The following TSPAN12 variants were observed in gnomAD, a reference collection of about 807,000 sequenced individuals.
TSPAN12 encodes tetraspanin-12.
Under a neutral mutation model 39.2 loss-of-function variants are expected in TSPAN12, and 19 were observed. The observed-to-expected ratio is 0.49, with a 90% confidence interval of 0.34 to 0.71. The LOEUF is 0.71. Ranked by LOEUF, TSPAN12 falls within the 30% of genes least tolerant of loss-of-function variation. The probability of loss-of-function intolerance (pLI) is 0.01; values close to 1 mark genes in which losing one functional copy is unlikely to be tolerated. For synonymous variants in TSPAN12, 119 were observed against 124.8 expected (o/e 0.95, Z 0.31); for missense variants, 314 against 359.9 (o/e 0.87, Z 1.03).
chr7:120,829,384 C>T (rs1393592701), intron 4 of TSPAN12, among the ~76,000 whole-genome samples: 1 of 151,564 alleles, frequency 6.6e-6, no homozygotes, highest in Non-Finnish European at 1.5e-5. Flanking sequence ...AAATACTAAC[C>T]ATGATTTTTT....
chr7:120,793,762 T>TA (rs1316723364), intron 7 of TSPAN12, among the ~76,000 whole-genome samples: 4 of 152,242 alleles, frequency 2.6e-5, no homozygotes, highest in Non-Finnish European at 4.4e-5. Flanking sequence ...TATATTAACT[T>TA]ATGCCCTTGC....
intron 5 of TSPAN12, among the ~76,000 whole-genome samples, chr7:120,813,373 T>C (rs543017006): frequency 4.6e-5 from 7 of 152,234 alleles, no homozygotes; most frequent in Non-Finnish European, 5.9e-5. Flanking sequence ...GGAATGGCAG[T>C]GGGCACCTAT....
At position 120,807,833 on chromosome 7, in the gene TSPAN12, TGGGTAATACTGAAA is replaced by T. The variant is rs1793904523; in HGVS notation, c.469-1155_469-1142del. On this transcript the variant is annotated intron_variant, in intron 6 of 7. Transcript: ENST00000222747. ...ATAAATGACGAATTACTGAAAGCTATGGGTAATACTGAAATTTTGAGAAACTTAAAAAATACTTT... is the reference window on the plus strand; with the variant it reads ...ATAAATGACGAATTACTGAAAGCTATTTTTGAGAAACTTAAAAAATACTTT... 3.3e-5 allele frequency among the ~76,000 whole-genome samples: 5 copies of T among 152,240 alleles called. No homozygotes were observed. In the South Asian group the frequency reaches 1.0e-3, roughly 32 times the overall value.
intron 7 of TSPAN12, among the ~76,000 whole-genome samples, chr7:120,803,247 G>A (rs1033578228): frequency 4.6e-5 from 7 of 152,100 alleles, no homozygotes; most frequent in Admixed American, 4.6e-4. Flanking sequence ...CTGGCCCTTG[G>A]AGCAACAACG....
intron 4 of TSPAN12, among the ~76,000 whole-genome samples, chr7:120,820,091 T>C (rs1794160358): frequency 6.6e-6 from 1 of 152,170 alleles, no homozygotes. Flanking sequence ...TGTTTCTTGC[T>C]TTCCCAATGC....
At chr7:120,825,309 G>A (rs1356117704) in intron 4 of TSPAN12, among the ~76,000 whole-genome samples, 3 of 152,048 alleles carry the variant, frequency 2.0e-5, no homozygotes, top group African/African-American at 7.2e-5. Context: ...AAACTCAGAC[G>A]GTTTTTTCAT....
At chr7:120,816,919 G>A (rs1024500934) in intron 4 of TSPAN12, among the ~76,000 whole-genome samples, 2 of 152,004 alleles carry the variant, frequency 1.3e-5, no homozygotes, top group African/African-American at 4.8e-5. Context: ...AAAAGGCACA[G>A]GAAAAGAAAA....
At chr7:120,853,976 C>G (rs373323539) in intron 2 of TSPAN12, among the ~76,000 whole-genome samples, 1 of 151,310 alleles carries the variant, frequency 6.6e-6, no homozygotes, top group African/African-American at 2.4e-5. Flanking sequence ...GAAATTAACA[C>G]TTAAAATATA....
chr7:120,799,138 T>C (rs1424722722), intron 7 of TSPAN12, among the ~76,000 whole-genome samples: 2 of 152,266 alleles, frequency 1.3e-5, no homozygotes, highest in South Asian at 2.1e-4. Flanking sequence ...TCTCACTCCC[T>C]GCCTTAGCCT....
intron 2 of TSPAN12, among the ~76,000 whole-genome samples, chr7:120,854,400 G>A (rs1794831035): frequency 6.6e-6 from 1 of 152,168 alleles, no homozygotes; most frequent in South Asian, 2.1e-4. Context: ...AGTAGTTATA[G>A]TAATAACTGC....
chr7:120,841,761 T>A (rs1794583237), intron 2 of TSPAN12, among the ~76,000 whole-genome samples: 1 of 152,230 alleles, frequency 6.6e-6, no homozygotes, highest in African/African-American at 2.4e-5. Flanking sequence ...GTTTAATAAT[T>A]AACCATGACC....
chr7:120,841,089 T>G (rs546115122), intron 2 of TSPAN12, among the ~76,000 whole-genome samples: 39 of 152,248 alleles, frequency 2.6e-4, no homozygotes, highest in African/African-American at 9.4e-4. Flanking sequence ...CTGCATTAAA[T>G]GAAAGGCTGG....
intron 4 of TSPAN12, among the ~76,000 whole-genome samples, chr7:120,817,348 C>T (rs866828523): frequency 6.6e-6 from 1 of 151,912 alleles, no homozygotes; most frequent in Non-Finnish European, 1.5e-5. Context: ...ATGATCATGT[C>T]ACAGCACTTC....
At chr7:120,833,305 C>A (rs941633700) in intron 4 of TSPAN12, among the ~76,000 whole-genome samples, 8 of 151,802 alleles carry the variant, frequency 5.3e-5, no homozygotes, top group African/African-American at 1.9e-4. Flanking sequence ...TCATAAAATT[C>A]ATGACTATGT....
chr7:120,853,501 CAT>C (rs917237822), intron 2 of TSPAN12, among the ~76,000 whole-genome samples: 6 of 144,950 alleles, frequency 4.1e-5, no homozygotes, highest in South Asian at 2.1e-4. Context: ...TATACACACA[CAT>C]ATTTATATTT....
chr7:120,809,760 C>T (rs1793941667), intron 6 of TSPAN12, among the ~76,000 whole-genome samples: 1 of 152,024 alleles, frequency 6.6e-6, no homozygotes, highest in Admixed American at 6.5e-5. Flanking sequence ...GAATACAGTC[C>T]CCACTTGAGA....
At chr7:120,790,558 C>A (rs1268384709) in intron 7 of TSPAN12, among the ~76,000 whole-genome samples, 3 of 152,086 alleles carry the variant, frequency 2.0e-5, no homozygotes, top group Non-Finnish European at 2.9e-5. Context: ...TGGAAAAGTA[C>A]GAGGCACAAC....
chr7:120,789,989 T>A (rs78799376), intron 7 of TSPAN12, among the ~76,000 whole-genome samples: 1 of 152,146 alleles, frequency 6.6e-6, no homozygotes, highest in East Asian at 1.9e-4. Context: ...TCATGCACTA[T>A]GCGAATGGTA....
At chr7:120,839,094 G>C (rs1794532204) in intron 3 of TSPAN12, among the ~76,000 whole-genome samples, 182 bp from the exon 4 acceptor site, 1 of 152,050 alleles carries the variant, frequency 6.6e-6, no homozygotes, top group Admixed American at 6.6e-5. Flanking sequence ...TTGCTCGGTT[G>C]CTTTATTTTT....
Sources: gnomAD v4.1 joint callset for allele counts (sites outside exome capture counted in the v4.1 genomes callset) on GRCh38, gnomAD v4.1.1 for gene constraint, MANE v1.5 for transcripts, NCBI Gene and HGNC (gene_info 2026-07-23, HGNC 2026-07-21) for gene names.